The following TRA2A variants were observed in gnomAD, a reference collection of about 807,000 sequenced individuals.
TRA2A encodes transformer-2 protein homolog alpha.
A neutral mutation model predicts 45.7 loss-of-function variants in TRA2A; 31 were observed. That is an observed-to-expected ratio of 0.68 (90% CI 0.51 to 0.92). TRA2A has a LOEUF of 0.92. TRA2A is among the 40% of genes least tolerant of loss of function. TRA2A has a pLI of 0.00. For synonymous variants in TRA2A, 132 were observed against 126.2 expected, an observed-to-expected ratio of 1.05 and a Z score of -0.31; for missense variants, 304 against 367.5, an observed-to-expected ratio of 0.83 and a Z score of 1.41.
chr7:23,530,364 A>G (rs1259994092), intron 1 of TRA2A, among the ~76,000 whole-genome samples: 2 of 152,202 alleles, frequency 1.3e-5, no homozygotes, highest in African/African-American at 2.4e-5. Flanking sequence ...CTATTGCTTT[A>G]AATCTTTCCT....
chr7:23,528,377 T>C (rs1437494024), intron 1 of TRA2A, among the ~76,000 whole-genome samples: 2 of 152,014 alleles, frequency 1.3e-5, no homozygotes, highest in African/African-American at 4.8e-5. Flanking sequence ...CCAGCTAATT[T>C]TTGTATTTTT....
chr7:23,513,858 A>G (rs921079713), intron 3 of TRA2A, among the ~76,000 whole-genome samples: 2 of 152,074 alleles, frequency 1.3e-5, no homozygotes, highest in Non-Finnish European at 2.9e-5. Flanking sequence ...CAAACTTTTT[A>G]AAAGAGGCAA....
At chr7:23,506,003 A>G in intron 6 of TRA2A, 135 bp downstream of exon 6, 1 of 829,092 alleles carries the variant, frequency 1.2e-6, no homozygotes, top group Non-Finnish European at 1.9e-6. Flanking sequence ...ACAGACTGCT[A>G]ACTTCTGCTC....
At chr7:23,529,714 T>C (rs1489116815) in intron 1 of TRA2A, among the ~76,000 whole-genome samples, 1 of 152,156 alleles carries the variant, frequency 6.6e-6, no homozygotes, top group Non-Finnish European at 1.5e-5. Context: ...CACTAGTTGA[T>C]TTACACTAAA....
chr7:23,529,853 C>CT (rs11415684), intron 1 of TRA2A, among the ~76,000 whole-genome samples: 36,169 of 140,794 alleles, frequency 0.26, 4,912 homozygotes, highest in East Asian at 0.39. Flanking sequence ...GGGTGGGAAT[C>CT]TTTTTTTTTT....
Position 23,505,131 on chromosome 7 carries a change from C to T in TRA2A, c.*428G>A, listed in dbSNP as rs1789254440. 1 of 157,768 alleles carries T rather than the reference C, an allele frequency of 6.3e-6. No homozygotes were observed. Among genetic ancestry groups the T allele is most frequent in the Non-Finnish European group, 1.4e-5 (1 of 72,312 alleles). 9.8% of individuals were successfully genotyped at this position (157,768 alleles called of 1,614,324 possible). A position where few individuals can be genotyped will look rare whatever the true frequency, so the allele number is the denominator to read the frequency against. ...CCCAGACAAACCTGACATGACTGAA[C>T]TACTTCATGTGTTACTTTCCCAAAA... On this transcript the variant is annotated 3_prime_UTR_variant, in exon 8 of 8. Transcript: ENST00000297071.
At chr7:23,526,559 A>G (rs560976522) in intron 1 of TRA2A, among the ~76,000 whole-genome samples, 25 of 152,298 alleles carry the variant, frequency 1.6e-4, no homozygotes, top group African/African-American at 5.8e-4. Flanking sequence ...TAGGAGTTGT[A>G]AAAAACCTGT....
chr7:23,513,325 G>A (rs1399391627), intron 3 of TRA2A, among the ~76,000 whole-genome samples: 1 of 152,144 alleles, frequency 6.6e-6, no homozygotes, highest in Non-Finnish European at 1.5e-5. Context: ...TTACTCTCCA[G>A]CCCAGCAATG....
At chr7:23,528,808 C>G (rs903938358) in intron 1 of TRA2A, among the ~76,000 whole-genome samples, 1 of 152,038 alleles carries the variant, frequency 6.6e-6, no homozygotes, top group African/African-American at 2.4e-5. Context: ...GCTAGGATTA[C>G]AGGCATGTGC....
At position 23,506,230 on chromosome 7, in the gene TRA2A, TCCACCG is replaced by T. The variant is rs1562784427; in HGVS notation, c.672_677del (p.Gly230_Gly231del). 1.3e-6 allele frequency: 2 copies of T among 1,591,006 alleles called. No homozygotes were observed. Among genetic ancestry groups the T allele is most frequent in the African/African-American group, 1.3e-5 (1 of 74,504 alleles). On this transcript the variant is annotated inframe_deletion, in exon 6 of 8. Coordinates refer to ENST00000297071, the MANE Select transcript of TRA2A (RefSeq NM_013293.5). ...CTCGACGTCTGCCACCACCTCCACCTCCACCGCCGCCGCCTCCTCCACCACCCCCAC... is the reference window on the plus strand; with the variant it reads ...CTCGACGTCTGCCACCACCTCCACCTCCGCCGCCTCCTCCACCACCCCCAC...
intron 4 of TRA2A, among the ~76,000 whole-genome samples, chr7:23,511,253 C>A (rs919164966): frequency 3.3e-5 from 5 of 151,138 alleles, no homozygotes; most frequent in African/African-American, 1.2e-4. Context: ...CGTCTGTAGT[C>A]CCAGCTACTC....
Position 23,512,991 on chromosome 7 carries a change from C to T in TRA2A, c.428G>A (p.Gly143Glu), listed in dbSNP as rs1340527124. 1 of 1,613,454 alleles carries T rather than the reference C, an allele frequency of 6.2e-7. No homozygotes were observed. Among genetic ancestry groups the T allele is most frequent in the Non-Finnish European group, 8.5e-7 (1 of 1,179,530 alleles). Residue 143 changes from glycine (G) to glutamate (E), a missense_variant, in exon 4 of 8, where the codon GGA becomes GAA. Gly to Glu is a moderately conservative substitution (Grantham distance 98). This residue lies in a region of TRA2A where 130 missense variants were observed against 217.1 expected (regional missense o/e 0.60). Coordinates refer to ENST00000297071, the MANE Select transcript of TRA2A (RefSeq NM_013293.5). ...RDLREVFSRY[G>E]PLSGVNVVYD... Reference sequence around the variant, plus strand: ...AACCACATTGACACCACTCAATGGTCCATATCGAGAAAATACTTCACGAAG... The same window carrying T: ...AACCACATTGACACCACTCAATGGTTCATATCGAGAAAATACTTCACGAAG...
At chr7:23,515,587 C>T (rs917891727) in intron 3 of TRA2A, among the ~76,000 whole-genome samples, 2 of 148,892 alleles carry the variant, frequency 1.3e-5, no homozygotes, top group Non-Finnish European at 3.0e-5. Flanking sequence ...GTCTCCCAGG[C>T]CAGTCTGGAA....
At chr7:23,519,279 A>G (rs1394686512) in intron 2 of TRA2A, among the ~76,000 whole-genome samples, 2 of 152,022 alleles carry the variant, frequency 1.3e-5, no homozygotes, top group Non-Finnish European at 2.9e-5. Context: ...CTGTAATCCC[A>G]GCTACTCGGG....
At chr7:23,525,391 A>G (rs913824636) in intron 1 of TRA2A, among the ~76,000 whole-genome samples, 2 of 152,214 alleles carry the variant, frequency 1.3e-5, no homozygotes, top group African/African-American at 4.8e-5. Context: ...CAGTCAAGGA[A>G]TCCTACCATT....
intron 6 of TRA2A, 50 bp from the exon 7 acceptor site, chr7:23,505,863 G>A (rs373800790): frequency 6.1e-6 from 7 of 1,154,546 alleles, no homozygotes; most frequent in Middle Eastern, 2.1e-4. Context: ...ACTCCACTGA[G>A]GCAGATGAAA....
intron 2 of TRA2A, 76 bp downstream of exon 2, chr7:23,521,631 C>A: frequency 1.3e-6 from 2 of 1,537,202 alleles, no homozygotes; most frequent in South Asian, 1.2e-5. Context: ...AATTTCTACA[C>A]AAAATGCAGC....
intron 1 of TRA2A, among the ~76,000 whole-genome samples, chr7:23,523,858 A>T (rs1790233759): frequency 6.6e-6 from 1 of 152,208 alleles, no homozygotes; most frequent in Non-Finnish European, 1.5e-5. Context: ...TCATTAATCA[A>T]ACTCATAAGA....
At chr7:23,530,165 T>A (rs1021959170) in intron 1 of TRA2A, among the ~76,000 whole-genome samples, 5 of 152,156 alleles carry the variant, frequency 3.3e-5, no homozygotes, top group Non-Finnish European at 5.9e-5. Flanking sequence ...ACAAGAAGCA[T>A]TTTACAACTA....
Sources: gnomAD v4.1 joint callset for allele counts (sites outside exome capture counted in the v4.1 genomes callset) on GRCh38, gnomAD v4.1.1 for gene constraint, gnomAD v4.1.1 regional missense constraint, MANE v1.5 for transcripts, NCBI Gene and HGNC (gene_info 2026-07-23, HGNC 2026-07-21) for gene names.